Variants in GLRX2 observed in about 807,000 individuals in gnomAD.
GLRX2 encodes the protein glutaredoxin 2.
Under a neutral mutation model 16.4 loss-of-function variants are expected in GLRX2, and 12 were observed. The observed-to-expected ratio is 0.73, with a 90% CI of 0.47 to 1.19. The LOEUF (loss-of-function observed/expected upper bound fraction) is 1.19. Ranked by LOEUF, GLRX2 falls within the 50% of genes most tolerant of loss-of-function variation. The probability of loss-of-function intolerance (pLI) is 0.00; values close to 1 mark genes in which losing one functional copy is unlikely to be tolerated. For synonymous variants in GLRX2, 95 were observed against 76.2 expected (o/e 1.25, Z -1.28); for missense variants, 201 against 201.8 (o/e 1.00, Z 0.02).
intron 2 of GLRX2, among the ~76,000 whole-genome samples, chr1:193,099,800 T>C (rs142410691): frequency 1.3e-5 from 2 of 152,198 alleles, no homozygotes; most frequent in African/African-American, 4.8e-5. Context: ...TATGATTCCC[T>C]TGTGTTTACT....
chr1:193,104,018 A>G (rs1675132636), intron 1 of GLRX2, among the ~76,000 whole-genome samples: 1 of 152,198 alleles, frequency 6.6e-6, no homozygotes, highest in Non-Finnish European at 1.5e-5. Context: ...TATTTGGTTT[A>G]TCAACTAAGA....
chr1:193,096,523 C>G lies in GLRX2; in HGVS notation c.*102G>C. 1.7e-6 allele frequency: 1 copy of G among 579,026 alleles called. No homozygotes were observed. Among genetic ancestry groups the G allele is most frequent in the Non-Finnish European group, 2.9e-6 (1 of 342,082 alleles). 35.9% of individuals were successfully genotyped at this position (579,026 alleles called of 1,614,324 possible). A position where few individuals can be genotyped will look rare whatever the true frequency, so the allele number is the denominator to read the frequency against. ...TATTTTTACATCTTCTTCGTGAAGA[C>G]AATGCATGTATTTAAAACATCCTCA... On this transcript the variant is annotated 3_prime_UTR_variant, in exon 4 of 4. Coordinates refer to ENST00000367439, the MANE Select transcript of GLRX2 (RefSeq NM_197962.3).
At chr1:193,101,882 GCATT>G (rs937700684) in intron 1 of GLRX2, among the ~76,000 whole-genome samples, 14 of 151,970 alleles carry the variant, frequency 9.2e-5, no homozygotes, top group African/African-American at 3.4e-4. Context: ...GTAAAAGGAA[GCATT>G]CATTGTCAGG....
At chr1:193,105,608 A>T, upstream of GLRX2, 1 of 1,605,722 alleles carries the variant, frequency 6.2e-7, no homozygotes, top group Non-Finnish European at 8.5e-7. Context: ...AGAGGGGAGA[A>T]GCGGCTCACT....
intron 2 of GLRX2, among the ~76,000 whole-genome samples, chr1:193,098,688 A>G (rs1456423349): frequency 6.6e-6 from 1 of 151,928 alleles, no homozygotes; most frequent in Non-Finnish European, 1.5e-5. Flanking sequence ...AGTAGTTAGG[A>G]TTATAGGCAC....
intron 1 of GLRX2, among the ~76,000 whole-genome samples, chr1:193,104,376 T>C (rs1013118887): frequency 1.3e-5 from 2 of 152,142 alleles, no homozygotes; most frequent in Non-Finnish European, 2.9e-5. Context: ...CAAAGTGCTA[T>C]ATTGACCCCA....
At chr1:193,100,913 G>C (rs1022947935) in intron 2 of GLRX2, among the ~76,000 whole-genome samples, 2 of 152,224 alleles carry the variant, frequency 1.3e-5, no homozygotes, top group African/African-American at 2.4e-5. Flanking sequence ...CTTAGAGGGA[G>C]TGAAGACTTC....
intron 2 of GLRX2, among the ~76,000 whole-genome samples, chr1:193,099,991 A>G (rs1315997954): frequency 6.6e-6 from 1 of 152,182 alleles, no homozygotes; most frequent in Non-Finnish European, 1.5e-5. Context: ...CTCAGGTTAC[A>G]AGACACACTA....
rs751904576 is a variant in GLRX2 at position 193,101,189 on chromosome 1, T to C, written c.135A>G (p.Thr45=). The C allele has an allele frequency of 6.2e-7, 1 of 1,604,990 alleles. No individual in the cohort carries two copies. The highest frequency in any genetic ancestry group is 8.5e-7 in the Non-Finnish European group (1 of 1,171,694). The change falls in exon 2 of 4, where the codon ACA becomes ACG. Residue 45 remains threonine (T), a synonymous_variant. Transcript: ENST00000367439. ...TCGCTAAATTCTCCAAAGATGATGATGTATTGCTCTCCATCCTAAAAGGAA... is the reference window on the plus strand; with the variant it reads ...TCGCTAAATTCTCCAAAGATGATGACGTATTGCTCTCCATCCTAAAAGGAA... ...AAAASGMESN[T]SSSLENLATA...
At chr1:193,101,080 T>C (rs1247478576) in intron 2 of GLRX2, 61 bp downstream of exon 2, 6 of 977,730 alleles carry the variant, frequency 6.1e-6, no homozygotes, top group Admixed American at 3.4e-5. Context: ...ATATTAAATA[T>C]ATAAGGGACA....
chr1:193,099,841 G>C (rs1403106101), intron 2 of GLRX2, among the ~76,000 whole-genome samples: 1 of 152,116 alleles, frequency 6.6e-6, no homozygotes, highest in African/African-American at 2.4e-5. Flanking sequence ...TCCATCCTAG[G>C]GAGGGCCTGC....
At chr1:193,105,176 C>A in intron 1 of GLRX2, 88 bp downstream of exon 1, 1 of 1,436,452 alleles carries the variant, frequency 7.0e-7, no homozygotes, top group Non-Finnish European at 9.1e-7. Flanking sequence ...GGCGCCGGGG[C>A]AAAGGGGCAC....
intron 2 of GLRX2, 54 bp from the exon 3 acceptor site, chr1:193,097,814 T>C: frequency 8.1e-7 from 1 of 1,237,552 alleles, no homozygotes; most frequent in Non-Finnish European, 1.1e-6. Context: ...CATTTGGAAA[T>C]AAATTAAGAT....
At chr1:193,105,228 A>T (rs1221949394) in intron 1 of GLRX2, 36 bp downstream of exon 1, 34 of 1,530,470 alleles carry the variant, frequency 2.2e-5, no homozygotes, top group Non-Finnish European at 3.0e-5. Flanking sequence ...AGGCCTGCGC[A>T]CCACGCCGCG....
chr1:193,101,177 CAAAGATGATGATG>C lies in GLRX2; in HGVS notation c.134_146del (p.Thr45ArgfsTer4). 1 of 1,610,502 alleles carries C rather than the reference CAAAGATGATGATG, an allele frequency of 6.2e-7. No individual in the cohort carries two copies. The highest frequency in any genetic ancestry group is 1.1e-5 in the South Asian group (1 of 90,994). On this transcript the variant is annotated frameshift_variant, in exon 2 of 4. Transcript: ENST00000367439. LOFTEE classifies it high-confidence loss of function. ...TCACAGGCGCCGTCGCTAAATTCTCCAAAGATGATGATGTATTGCTCTCCATCCTAAAAGGAAT... is the reference window on the plus strand; with the variant it reads ...TCACAGGCGCCGTCGCTAAATTCTCCTATTGCTCTCCATCCTAAAAGGAAT...
intron 3 of GLRX2, 41 bp downstream of exon 3, chr1:193,097,543 A>C: frequency 6.8e-7 from 1 of 1,472,916 alleles, no homozygotes; most frequent in Non-Finnish European, 9.1e-7. Context: ...TCTAGTTTAC[A>C]ACCTATTAAA....
chr1:193,096,703 C>A lies in GLRX2; in HGVS notation c.417G>T (p.Arg139Ser), dbSNP rs938714035. Reference protein sequence around the residue: ...TFIGGATDTHRLHKEGKLLPL... With the variant: ...TFIGGATDTHSLHKEGKLLPL... ...GGAGCAATTTTCCTTCTTTGTGAAG[C>A]CTATGAGTGTCAGTTGCACCTCCAA... Residue 139 changes from arginine to serine, a missense_variant, in exon 4 of 4, where the codon AGG (arginine) becomes AGT (serine). Physicochemically the swap from Arg to Ser is moderately radical, Grantham distance 110 (BLOSUM62 -1). Coordinates refer to ENST00000367439, the MANE Select transcript of GLRX2 (RefSeq NM_197962.3). 2 of 1,608,150 alleles carry A rather than the reference C, an allele frequency of 1.2e-6. No individual in the cohort carries two copies. Among genetic ancestry groups the A allele is most frequent in the South Asian group, 1.1e-5 (1 of 90,814 alleles).
intron 1 of GLRX2, among the ~76,000 whole-genome samples, chr1:193,104,895 T>C: frequency 6.6e-6 from 1 of 152,364 alleles, no homozygotes; most frequent in Non-Finnish European, 1.5e-5. Flanking sequence ...ACTGTTCCGT[T>C]TTTCCTATGT....
At chr1:193,097,970 T>C (rs1025594817) in intron 2 of GLRX2, among the ~76,000 whole-genome samples, 1 of 152,192 alleles carries the variant, frequency 6.6e-6, no homozygotes, top group African/African-American at 2.4e-5. Context: ...GTGCCTGGCA[T>C]AGAGCAATAA....
Sources: gnomAD v4.1 joint callset for allele counts (sites outside exome capture counted in the v4.1 genomes callset) on GRCh38, gnomAD v4.1.1 for gene constraint, MANE v1.5 for transcripts, NCBI Gene and HGNC (gene_info 2026-07-23, HGNC 2026-07-21) for gene names.